The following HIBADH variants were observed in gnomAD, a reference collection of about 807,000 sequenced individuals.
The protein encoded by HIBADH is 3-hydroxyisobutyrate dehydrogenase.
A neutral mutation model predicts 36.1 loss-of-function variants in HIBADH; 25 were observed. That is an observed-to-expected ratio of 0.69 (90% CI 0.50 to 0.97). HIBADH has a LOEUF of 0.97. HIBADH is among the 50% of genes least tolerant of loss of function. HIBADH has a pLI of 0.00. For missense variants in HIBADH, 421 were observed against 418.0 expected (o/e 1.01, Z -0.06); for synonymous variants, 160 against 149.5 (o/e 1.07, Z -0.51).
chr7:27,648,446 C>T (rs1393479520), intron 2 of HIBADH, among the ~76,000 whole-genome samples: 8 of 152,180 alleles, frequency 5.3e-5, no homozygotes, highest in Non-Finnish European at 1.0e-4. Flanking sequence ...CTGAAAATGG[C>T]TTCTAAGTTA....
At chr7:27,592,062 A>G (rs1583585705) in intron 4 of HIBADH, among the ~76,000 whole-genome samples, 1 of 152,332 alleles carries the variant, frequency 6.6e-6, no homozygotes, top group East Asian at 1.9e-4. Context: ...TAAATGCTAT[A>G]TTCCCTTTGC....
chr7:27,645,382 T>TTTTTTG (rs1583617470), intron 2 of HIBADH, among the ~76,000 whole-genome samples: 1 of 129,080 alleles, frequency 7.7e-6, no homozygotes, highest in African/African-American at 3.1e-5. Flanking sequence ...TTTTTTTTTT[T>TTTTTTG]TTTTTTTTTT....
intron 4 of HIBADH, among the ~76,000 whole-genome samples, chr7:27,581,236 T>C (rs998734970): frequency 6.6e-6 from 1 of 152,116 alleles, no homozygotes; most frequent in African/African-American, 2.4e-5. Context: ...CATGTTCAGC[T>C]ACTCAAGGGC....
intron 4 of HIBADH, among the ~76,000 whole-genome samples, chr7:27,597,121 C>T (rs1785045303): frequency 1.3e-5 from 2 of 151,756 alleles, no homozygotes; most frequent in Admixed American, 6.6e-5. Flanking sequence ...AATAAAAGTA[C>T]ATAGAGAAAG....
chr7:27,546,547 C>T (rs940156868), intron 4 of HIBADH, among the ~76,000 whole-genome samples: 11 of 152,068 alleles, frequency 7.2e-5, no homozygotes, highest in South Asian at 6.2e-4. Flanking sequence ...TAAGTATTAG[C>T]GGGTTTGGGC....
intron 1 of HIBADH, among the ~76,000 whole-genome samples, chr7:27,660,863 C>G (rs42087): frequency 1.3e-5 from 2 of 151,934 alleles, no homozygotes; most frequent in Non-Finnish European, 2.9e-5. Flanking sequence ...TACAGAGGCA[C>G]GTATTACAGT....
At chr7:27,595,033 T>G (rs183188182) in intron 4 of HIBADH, among the ~76,000 whole-genome samples, 1 of 152,132 alleles carries the variant, frequency 6.6e-6, no homozygotes, top group Non-Finnish European at 1.5e-5. Context: ...ACAAACTTAG[T>G]GACAGTAAAC....
intron 2 of HIBADH, among the ~76,000 whole-genome samples, chr7:27,635,127 A>G (rs1381486301): frequency 1.3e-5 from 2 of 150,666 alleles, no homozygotes; most frequent in Non-Finnish European, 3.0e-5. Context: ...GTACATCCTA[A>G]CAGTCTCTAA....
chr7:27,601,628 AGGG>A (rs1221608327), intron 4 of HIBADH, among the ~76,000 whole-genome samples: 1 of 152,122 alleles, frequency 6.6e-6, no homozygotes, highest in African/African-American at 2.4e-5. Context: ...TTTAAGGTAA[AGGG>A]GAAAATACGT....
chr7:27,627,510 T>C (rs1164258013), intron 4 of HIBADH, among the ~76,000 whole-genome samples: 1 of 152,214 alleles, frequency 6.6e-6, no homozygotes, highest in Non-Finnish European at 1.5e-5. Context: ...TGTGTCTGCA[T>C]ACTGGTCTGT....
chr7:27,554,228 C>A (rs1784359999), intron 4 of HIBADH, among the ~76,000 whole-genome samples: 1 of 152,340 alleles, frequency 6.6e-6, no homozygotes, highest in Non-Finnish European at 1.5e-5. Context: ...TCAGGTGATC[C>A]ACTTGCCTCA....
At chr7:27,538,269 T>C in intron 6 of HIBADH, 72 bp downstream of exon 6, 1 of 1,177,300 alleles carries the variant, frequency 8.5e-7, no homozygotes, top group Non-Finnish European at 1.2e-6. Context: ...TGAATATCAT[T>C]TTTTTAACAT....
At chr7:27,624,752 G>A (rs1335463517) in intron 4 of HIBADH, among the ~76,000 whole-genome samples, 1 of 152,140 alleles carries the variant, frequency 6.6e-6, no homozygotes. Flanking sequence ...TCAACAGTAT[G>A]GTCTTGAGGT....
At chr7:27,620,825 A>G (rs1785528481) in intron 4 of HIBADH, among the ~76,000 whole-genome samples, 2 of 152,168 alleles carry the variant, frequency 1.3e-5, no homozygotes, top group South Asian at 2.1e-4. Flanking sequence ...AACAAAATAT[A>G]TAACACCATC....
intron 4 of HIBADH, among the ~76,000 whole-genome samples, chr7:27,609,991 A>AT (rs1393586981): frequency 1.3e-5 from 2 of 151,470 alleles, no homozygotes; most frequent in East Asian, 1.9e-4. Context: ...TAATTTTTAT[A>AT]TTTTTTTAGT....
In HIBADH at chr7:27,611,887, C is replaced by G. The variant is rs572466213; in HGVS notation, c.484+17484G>C. 1.4e-4 allele frequency among the ~76,000 whole-genome samples: 22 copies of G among 152,292 alleles called. No homozygotes were observed. The South Asian group carries it at 4.4e-3, about 30-fold the overall frequency. On this transcript the variant is annotated intron_variant, in intron 4 of 7. Coordinates refer to ENST00000265395, the MANE Select transcript of HIBADH (RefSeq NM_152740.4). ...TTCAGTGAAACACTCTTCTCTAAAC[C>G]TTTTCATTCAAATTTCTGCTTAAAT...
intron 2 of HIBADH, among the ~76,000 whole-genome samples, chr7:27,636,972 T>C (rs1364236068): frequency 6.6e-6 from 1 of 152,226 alleles, no homozygotes; most frequent in Non-Finnish European, 1.5e-5. Flanking sequence ...TTGGCTATAA[T>C]CAAGAATGAA....
At chr7:27,554,346 T>C (rs1007046398) in intron 4 of HIBADH, among the ~76,000 whole-genome samples, 1 of 152,246 alleles carries the variant, frequency 6.6e-6, no homozygotes, top group Non-Finnish European at 1.5e-5. Flanking sequence ...GTAATCATTA[T>C]GTCCTTCTAT....
intron 3 of HIBADH, among the ~76,000 whole-genome samples, chr7:27,630,585 A>C (rs1208869866): frequency 1.3e-5 from 2 of 152,206 alleles, no homozygotes; most frequent in African/African-American, 4.8e-5. Context: ...AAATCTTTCT[A>C]TTAAAAAAAT....
Sources: allele counts gnomAD v4.1 joint callset (sites outside exome capture counted in the v4.1 genomes callset), GRCh38; gene constraint gnomAD v4.1.1; transcripts MANE v1.5; gene names NCBI Gene and HGNC (gene_info 2026-07-23, HGNC 2026-07-21).